The following HMCES variants were observed in gnomAD, a reference collection of about 807,000 sequenced individuals.
The protein encoded by HMCES is abasic site processing protein HMCES.
A neutral mutation model predicts 35.1 loss-of-function variants in HMCES; 27 were observed. The observed-to-expected ratio is 0.77, with a 90% CI of 0.57 to 1.06. The LOEUF (loss-of-function observed/expected upper bound fraction) is 1.06. Ranked by LOEUF, HMCES falls within the 50% of genes least tolerant of loss-of-function variation. The probability of loss-of-function intolerance (pLI) is 0.00; values close to 1 mark genes in which losing one functional copy is unlikely to be tolerated. For synonymous variants in HMCES, 130 were observed against 154.7 expected, an observed-to-expected ratio of 0.84 and a Z score of 1.18; for missense variants, 391 against 430.4, an observed-to-expected ratio of 0.91 and a Z score of 0.81.
chr3:129,284,208 T>C (rs1940573438), intron 2 of HMCES, among the ~76,000 whole-genome samples: 1 of 152,216 alleles, frequency 6.6e-6, no homozygotes, highest in Non-Finnish European at 1.5e-5. Context: ...AACAAGTATC[T>C]TTTTTGCAGC....
At chr3:129,280,080 T>C (rs1446678846) in intron 2 of HMCES, among the ~76,000 whole-genome samples, 165 bp downstream of exon 2, 1 of 152,220 alleles carries the variant, frequency 6.6e-6, no homozygotes, top group Non-Finnish European at 1.5e-5. Flanking sequence ...GAAAGAAGTT[T>C]TATCAGTGGC....
chr3:129,281,615 C>T (rs960429230), intron 2 of HMCES, among the ~76,000 whole-genome samples: 13 of 151,858 alleles, frequency 8.6e-5, no homozygotes, highest in Non-Finnish European at 1.3e-4. Flanking sequence ...CGCTTGAACC[C>T]GGGAGGCGAA....
chr3:129,287,124 G>C (rs890658307), intron 2 of HMCES, among the ~76,000 whole-genome samples: 3 of 152,172 alleles, frequency 2.0e-5, no homozygotes, highest in Non-Finnish European at 4.4e-5. Flanking sequence ...CCTTCCTGTG[G>C]GAGGATACTG....
intron 2 of HMCES, among the ~76,000 whole-genome samples, chr3:129,284,190 AC>A (rs1940570640): frequency 6.6e-6 from 1 of 152,166 alleles, no homozygotes; most frequent in Non-Finnish European, 1.5e-5. Flanking sequence ...TTCATCTCTT[AC>A]GTTATAAACA....
chr3:129,290,798 A>C lies in HMCES; in HGVS notation c.447A>C (p.Thr149=), dbSNP rs753872360. 6 of 1,612,700 alleles carry C rather than the reference A, an allele frequency of 3.7e-6. No homozygotes were observed. The highest frequency in any genetic ancestry group is 4.2e-6 in the Non-Finnish European group (5 of 1,179,016). Residue 149 remains threonine, a synonymous_variant, in exon 4 of 7, where the codon ACA becomes ACC. Coordinates refer to ENST00000383463, the MANE Select transcript of HMCES (RefSeq NM_020187.3). ...TCATCTATTTTCCTCAAATCAAGAC[A>C]GAGAAGGTATCATTATCAGCATTCA... ...PYFIYFPQIK[T]EKSGSIGAAD...
In HMCES at chr3:129,289,109, A is replaced by T. The variant is rs947205121; in HGVS notation, c.327+112A>T. ...CAAAAATAAATAAATAACACAAAAA[A>T]GAATGTTCCCAGTTGTTAATGTGGA... On this transcript the variant is annotated intron_variant, in intron 3 of 6. Transcript: ENST00000383463. The T allele has an allele frequency of 1.6e-5, 14 of 898,200 alleles. No individual in the cohort carries two copies. In the African/African-American group the frequency reaches 2.3e-4, roughly 15 times the overall value. 55.6% of individuals were successfully genotyped at this position (898,200 alleles called of 1,614,324 possible).
At chr3:129,301,822 T>C (rs1420558179) in intron 5 of HMCES, 128 bp from the exon 6 acceptor site, 2 of 732,752 alleles carry the variant, frequency 2.7e-6, no homozygotes, top group Non-Finnish European at 4.6e-6. Context: ...GCAATCAGCA[T>C]GTGAGGCGCA....
At chr3:129,287,512 A>G (rs1384944661) in intron 2 of HMCES, among the ~76,000 whole-genome samples, 2 of 152,082 alleles carry the variant, frequency 1.3e-5, no homozygotes, top group Non-Finnish European at 2.9e-5. Flanking sequence ...GAGGCTGATC[A>G]TGTAGGCACT....
At chr3:129,284,758 C>T (rs1318652309) in intron 2 of HMCES, among the ~76,000 whole-genome samples, 2 of 152,120 alleles carry the variant, frequency 1.3e-5, no homozygotes, top group African/African-American at 2.4e-5. Flanking sequence ...ACTAAAAATA[C>T]AAAATTAGCT....
intron 5 of HMCES, 47 bp from the exon 6 acceptor site, chr3:129,301,903 A>C: frequency 6.7e-7 from 1 of 1,485,392 alleles, no homozygotes. Flanking sequence ...TTCTCTCCTT[A>C]TTCTCATGCT....
chr3:129,294,442 T>A (rs1261624973), intron 4 of HMCES, among the ~76,000 whole-genome samples: 1 of 152,110 alleles, frequency 6.6e-6, no homozygotes, highest in African/African-American at 2.4e-5. Flanking sequence ...AATAAATAAA[T>A]AAATGTTTTT....
rs11402453 is a variant in HMCES, at chr3:129,301,191, C to CAA, written c.636-745_636-744dup. On this transcript the variant is annotated intron_variant, in intron 5 of 6. Transcript: ENST00000383463. Reference sequence around the variant, plus strand: ...TGGGCAACACAGCAAGACTCTGTCTCAAAAAAAAAAAAAAAGAAGAAAAAA... The same window carrying CAA: ...TGGGCAACACAGCAAGACTCTGTCTCAAAAAAAAAAAAAAAAAGAAGAAAAAA... Among the ~76,000 whole-genome samples the CAA allele has an allele frequency of 7.3e-3, 674 of 92,714 alleles. 9 individuals carry two copies. Among genetic ancestry groups the CAA allele is most frequent in the African/African-American group, 0.013 (304 of 22,782 alleles). 60.8% of individuals were successfully genotyped at this position (92,714 alleles called of 152,430 possible).
rs141404581 is a variant in HMCES at position 129,303,385 on chromosome 3, C to A, written c.829-1204C>A. Among the ~76,000 whole-genome samples the A allele has an allele frequency of 9.4e-3, 1,437 of 152,246 alleles. 23 individuals carry two copies. Among genetic ancestry groups the A allele is most frequent in the African/African-American group, 0.033 (1,360 of 41,534 alleles). Reference sequence around the variant, plus strand: ...GTTTTTTCCATACCCACAGTGTCATCTTTTTTTCTTTTGTTTTGATTCTGA... The same window carrying A: ...GTTTTTTCCATACCCACAGTGTCATATTTTTTTCTTTTGTTTTGATTCTGA... On this transcript the variant is annotated intron_variant, in intron 6 of 6. Coordinates refer to ENST00000383463, the MANE Select transcript of HMCES (RefSeq NM_020187.3).
rs1249950413 is a variant in HMCES, at chr3:129,304,768, A to G, written c.1008A>G (p.Gln336=). 6.2e-6 allele frequency: 10 copies of G among 1,614,072 alleles called. No homozygotes were observed. The highest frequency in any genetic ancestry group is 8.5e-6 in the Non-Finnish European group (10 of 1,180,036). The change falls in exon 7 of 7, where the codon CAA becomes CAG. Residue 336 remains glutamine, a synonymous_variant. Coordinates refer to ENST00000383463, the MANE Select transcript of HMCES (RefSeq NM_020187.3). ...TKRGTAGLLE[Q]WLKREKEEEP... ...GAGGCACTGCAGGACTCCTAGAGCAATGGCTGAAGCGGGAGAAGGAGGAGG... is the reference window on the plus strand; with the variant it reads ...GAGGCACTGCAGGACTCCTAGAGCAGTGGCTGAAGCGGGAGAAGGAGGAGG...
chr3:129,298,384 G>A lies in HMCES; in HGVS notation c.484G>A (p.Glu162Lys). ...TAGCATTGGTGCTGCAGATAGTCCTGAGAACTGGGAGAAAGTCTGGGACAA... is the reference window on the plus strand; with the variant it reads ...TAGCATTGGTGCTGCAGATAGTCCTAAGAACTGGGAGAAAGTCTGGGACAA... ...SGSIGAADSP[E>K]NWEKVWDNWR... is the part of the protein sequence containing the mutation. Residue 162 changes from glutamate (E) to lysine (K), a missense_variant, in exon 5 of 7, where the codon GAG becomes AAG. Coordinates refer to ENST00000383463, the MANE Select transcript of HMCES (RefSeq NM_020187.3). 9.3e-6 allele frequency: 15 copies of A among 1,614,210 alleles called. No homozygotes were observed. Among genetic ancestry groups the A allele is most frequent in the Middle Eastern group, 1.6e-4 (1 of 6,062 alleles).
rs1187599668 is a variant in HMCES, at chr3:129,297,688, G to C, written c.454-666G>C. On this transcript the variant is annotated intron_variant, in intron 4 of 6. Transcript: ENST00000383463. ...ATAACATTATCTGAATTCTTAACCT[G>C]GTTGTATGAAGGCTTGTGTCTCCCT... Among the ~76,000 whole-genome samples, 3 of 152,186 alleles carry C rather than the reference G, an allele frequency of 2.0e-5. No individual in the cohort carries two copies. In the East Asian group the frequency reaches 5.8e-4, roughly 29 times the overall value.
intron 2 of HMCES, among the ~76,000 whole-genome samples, chr3:129,285,755 T>A (rs2107687247): frequency 6.7e-6 from 1 of 149,904 alleles, no homozygotes; most frequent in East Asian, 2.0e-4. Flanking sequence ...CCCAGGATTT[T>A]TTTTTTTTTC....
rs776724620 is a variant in HMCES at position 129,298,478 on chromosome 3, ATTCCTATACCAT to A, written c.579_590del (p.Ser194_Ile197del). The A allele has an allele frequency of 1.2e-5, 20 of 1,614,120 alleles. No homozygotes were observed. In the African/African-American group the frequency reaches 2.3e-4, roughly 18 times the overall value. On this transcript the variant is annotated inframe_deletion, in exon 5 of 7. Transcript: ENST00000383463. ...CCCCCAGAGGGAGGAGATGTCCTGT[ATTCCTATACCAT>A]CATCACAGTGGATTCCTGCAAAGGC...
At chr3:129,289,115 T>C in intron 3 of HMCES, 118 bp downstream of exon 3, 1 of 830,602 alleles carries the variant, frequency 1.2e-6, no homozygotes, top group Non-Finnish European at 1.8e-6. Context: ...AAAAAGAATG[T>C]TCCCAGTTGT....
Sources: gnomAD v4.1 joint callset for allele counts (sites outside exome capture counted in the v4.1 genomes callset) on GRCh38, gnomAD v4.1.1 for gene constraint, MANE v1.5 for transcripts, NCBI Gene and HGNC (gene_info 2026-07-23, HGNC 2026-07-21) for gene names.